The following RANBP2 variants were observed in gnomAD, a reference collection of about 807,000 sequenced individuals.
RANBP2 encodes the protein E3 SUMO-protein ligase RanBP2.
Under a neutral mutation model 303.6 loss-of-function variants are expected in RANBP2, and 57 were observed. That is an observed-to-expected ratio of 0.19 (90% CI 0.15 to 0.23). RANBP2 has a LOEUF of 0.23. Among genes scored for constraint, RANBP2 ranks in the 10% least tolerant of loss-of-function variants. RANBP2 has a pLI of 1.00. For missense variants in RANBP2, 3,138 were observed against 3,780.8 expected (o/e 0.83, Z 4.46); for synonymous variants, 1,167 against 1,301.5 (o/e 0.90, Z 2.23).
At chr2:108,930,290 C>G in the RANBP2 span, 23 of 1,613,254 alleles carry the variant, frequency 1.4e-5, no homozygotes, top group South Asian at 2.2e-5. Context: ...CTTAGAAACA[C>G]ATGTGACTCC....
the RANBP2 span, among the ~76,000 whole-genome samples, chr2:109,450,630 T>C: frequency 2.6e-5 from 4 of 152,368 alleles, no homozygotes; most frequent in Admixed American, 6.5e-5. Context: ...ATGTAACCTA[T>C]GTTTTAAAAT....
the RANBP2 span, among the ~76,000 whole-genome samples, chr2:109,115,855 G>C: frequency 3.9e-5 from 6 of 152,016 alleles, no homozygotes; most frequent in African/African-American, 1.5e-4. Flanking sequence ...GCATTTGCTT[G>C]TCTGTAAAGT....
the RANBP2 span, among the ~76,000 whole-genome samples, chr2:109,493,466 T>C: frequency 6.9e-6 from 1 of 145,526 alleles, no homozygotes; most frequent in African/African-American, 2.6e-5. Context: ...ACATACACTA[T>C]ACATACAAAC....
At chr2:109,499,709 TTCC>T in the RANBP2 span, among the ~76,000 whole-genome samples, 2 of 152,208 alleles carry the variant, frequency 1.3e-5, no homozygotes, top group Admixed American at 6.5e-5. Flanking sequence ...TTCAGCCTTG[TTCC>T]TCCTCCTCTG....
chr2:109,357,513 A>G, the RANBP2 span, among the ~76,000 whole-genome samples: 27 of 152,288 alleles, frequency 1.8e-4, no homozygotes, highest in East Asian at 5.2e-3. Flanking sequence ...TGATGAAATG[A>G]TGGATACTGG....
the RANBP2 span, among the ~76,000 whole-genome samples, chr2:109,042,670 A>G: frequency 1.3e-5 from 2 of 152,238 alleles, no homozygotes; most frequent in Admixed American, 6.5e-5. Context: ...TCCCTCAAAC[A>G]GATTTAAAAA....
the RANBP2 span, among the ~76,000 whole-genome samples, chr2:109,085,938 G>A: frequency 6.6e-6 from 1 of 152,104 alleles, no homozygotes; most frequent in Non-Finnish European, 1.5e-5. Flanking sequence ...CAGTTCCGTG[G>A]CATTAAGTAC....
the RANBP2 span, among the ~76,000 whole-genome samples, chr2:109,475,324 C>T: frequency 6.6e-6 from 1 of 152,342 alleles, no homozygotes; most frequent in South Asian, 2.1e-4. Context: ...TTGTGTCTGC[C>T]AAATGGATTC....
the RANBP2 span, chr2:109,437,135 C>G: frequency 6.2e-7 from 1 of 1,610,536 alleles, no homozygotes; most frequent in East Asian, 2.2e-5. Context: ...GCCCGGAGCA[C>G]CATTTCAACA....
chr2:108,777,235 A>C lies in RANBP2; in HGVS notation c.8599+4A>C. The stretch of plus-strand genomic sequence containing the variant: ...GATTTTGCTTTTGGTTCTAAAGGTA[A>C]GATCAAGAGGAGAGACTTTTAATGA... On this transcript the variant is annotated splice_donor_region_variant and intron_variant, in intron 25 of 28. Coordinates refer to ENST00000283195, the MANE Select transcript of RANBP2 (RefSeq NM_006267.5). 1 of 1,610,278 alleles carries C rather than the reference A, an allele frequency of 6.2e-7. No individual in the cohort carries two copies. The highest frequency in any genetic ancestry group is 1.1e-5 in the South Asian group (1 of 90,826).
chr2:109,472,444 C>T, the RANBP2 span, among the ~76,000 whole-genome samples: 5 of 152,086 alleles, frequency 3.3e-5, no homozygotes, highest in Non-Finnish European at 4.4e-5. Context: ...CGGGGCTTCC[C>T]GACGGGGCTT....
the RANBP2 span, chr2:109,437,198 G>A: frequency 1.3e-6 from 2 of 1,547,374 alleles, no homozygotes; most frequent in Admixed American, 1.9e-5. Context: ...GGGCTTCCTG[G>A]GACATGCTTG....
chr2:109,234,926 C>T, the RANBP2 span, among the ~76,000 whole-genome samples: 4 of 152,186 alleles, frequency 2.6e-5, no homozygotes, highest in Non-Finnish European at 5.9e-5. Context: ...TTCTGTGTAT[C>T]TGAGTTGTTG....
chr2:108,965,848 C>G, the RANBP2 span, among the ~76,000 whole-genome samples: 1 of 152,026 alleles, frequency 6.6e-6, no homozygotes, highest in Non-Finnish European at 1.5e-5. Flanking sequence ...GCATCATGTA[C>G]TCTCCCTCCA....
the RANBP2 span, among the ~76,000 whole-genome samples, chr2:109,498,717 A>G: frequency 6.6e-6 from 1 of 152,228 alleles, no homozygotes; most frequent in Non-Finnish European, 1.5e-5. Context: ...TATGTGAGCC[A>G]CACTTGGAGC....
chr2:109,684,133 G>A, the RANBP2 span, among the ~76,000 whole-genome samples: 1 of 151,652 alleles, frequency 6.6e-6, no homozygotes, highest in African/African-American at 2.4e-5. Context: ...GTAGAAATGG[G>A]GTTTTACCAT....
At chr2:109,263,809 A>G in the RANBP2 span, among the ~76,000 whole-genome samples, 1 of 152,218 alleles carries the variant, frequency 6.6e-6, no homozygotes, top group African/African-American at 2.4e-5. Context: ...TACTAAAAAA[A>G]TACAAAAAAT....
At chr2:109,456,246 G>C in the RANBP2 span, among the ~76,000 whole-genome samples, 1 of 152,222 alleles carries the variant, frequency 6.6e-6, no homozygotes, top group African/African-American at 2.4e-5. Context: ...AGGGGTCGCA[G>C]AGTCAGCCCC....
chr2:109,204,059 G>A, the RANBP2 span, among the ~76,000 whole-genome samples: 1 of 152,186 alleles, frequency 6.6e-6, no homozygotes, highest in African/African-American at 2.4e-5. Context: ...TTCGAAAAAT[G>A]CCTGGATTTG....
Sources: allele counts gnomAD v4.1 joint callset (sites outside exome capture counted in the v4.1 genomes callset), GRCh38; gene constraint gnomAD v4.1.1; transcripts MANE v1.5; gene names NCBI Gene and HGNC (gene_info 2026-07-23, HGNC 2026-07-21).